XKR9: variants seen among roughly 807,000 people sequenced by gnomAD.
XKR9 encodes the protein XK-related protein 9.
Under a neutral mutation model 32.0 loss-of-function variants are expected in XKR9, and 32 were observed. The observed-to-expected ratio is 1.00, with a 90% CI of 0.76 to 1.34. The LOEUF (loss-of-function observed/expected upper bound fraction) is 1.34, where lower values mean the gene tolerates loss of function less well. Among genes scored for constraint, XKR9 ranks in the 40% most tolerant of loss-of-function variants. The probability of loss-of-function intolerance (pLI) is 0.00; values close to 1 mark genes in which losing one functional copy is unlikely to be tolerated. For synonymous variants in XKR9, 168 were observed against 143.4 expected (o/e 1.17, Z -1.22); for missense variants, 546 against 429.7 (o/e 1.27, Z -2.39).
the XKR9 span, among the ~76,000 whole-genome samples, chr8:71,038,964 C>T: frequency 2.6e-5 from 4 of 151,208 alleles, no homozygotes; most frequent in South Asian, 2.1e-4. Context: ...CCACCGTACC[C>T]GGCTAATTTT....
the XKR9 span, among the ~76,000 whole-genome samples, chr8:71,018,751 G>C: frequency 1.3e-5 from 2 of 152,212 alleles, no homozygotes; most frequent in South Asian, 2.1e-4. Flanking sequence ...GGTAAGAATA[G>C]GGAAAAAGAT....
chr8:70,714,183 CTTAT>C (rs1806013356), intron 4 of XKR9, among the ~76,000 whole-genome samples: 1 of 152,162 alleles, frequency 6.6e-6, no homozygotes, highest in Non-Finnish European at 1.5e-5. Context: ...CCATTATAAA[CTTAT>C]TTATTTAACT....
downstream of XKR9, among the ~76,000 whole-genome samples, chr8:70,792,547 G>A (rs1012810309): frequency 7.2e-5 from 11 of 152,202 alleles, no homozygotes; most frequent in South Asian, 2.3e-3. Flanking sequence ...GAACTATGGA[G>A]TGAAAAACAC....
downstream of XKR9, among the ~76,000 whole-genome samples, chr8:70,739,939 A>G (rs1270263659): frequency 3.8e-4 from 58 of 151,940 alleles, no homozygotes; most frequent in Non-Finnish European, 2.2e-4. Context: ...TCTGACAATT[A>G]TGTGTCTTGG....
chr8:70,842,009 A>G, the XKR9 span, among the ~76,000 whole-genome samples: 1 of 152,194 alleles, frequency 6.6e-6, no homozygotes, highest in Non-Finnish European at 1.5e-5. Flanking sequence ...AATTATTACT[A>G]TGATGGTTTC....
chr8:70,745,232 A>G (rs767887860), intron 2 of XKR9, among the ~76,000 whole-genome samples: 1 of 152,240 alleles, frequency 6.6e-6, no homozygotes, highest in Non-Finnish European at 1.5e-5. Context: ...CTTTTAATAT[A>G]GAATGAACTT....
intron 2 of XKR9, among the ~76,000 whole-genome samples, chr8:70,754,464 C>T (rs528719170): frequency 3.0e-5 from 4 of 134,436 alleles, no homozygotes; most frequent in Non-Finnish European, 6.7e-5. Flanking sequence ...CAAGTCAATC[C>T]TAAGCCAAAA....
At chr8:70,913,650 A>G in the XKR9 span, among the ~76,000 whole-genome samples, 4 of 152,152 alleles carry the variant, frequency 2.6e-5, no homozygotes, top group Non-Finnish European at 4.4e-5. Flanking sequence ...GCTAATCATA[A>G]ACATACAGCA....
chr8:71,060,131 A>ACAT, the XKR9 span, among the ~76,000 whole-genome samples: 56 of 152,318 alleles, frequency 3.7e-4, no homozygotes, highest in African/African-American at 1.3e-3. Context: ...CTCCATGACT[A>ACAT]GTTACATGTG....
chr8:70,844,659 G>T, the XKR9 span, among the ~76,000 whole-genome samples: 1 of 152,322 alleles, frequency 6.6e-6, no homozygotes, highest in African/African-American at 2.4e-5. Flanking sequence ...GGGTCTTGGG[G>T]ATTGCCCCAT....
At chr8:70,698,162 G>GT (rs1182582055) in intron 3 of XKR9, among the ~76,000 whole-genome samples, 7 of 151,198 alleles carry the variant, frequency 4.6e-5, no homozygotes, top group Admixed American at 1.3e-4. Context: ...TTTTTTGAAG[G>GT]TTTTTTTGTG....
chr8:70,898,420 A>T, the XKR9 span, among the ~76,000 whole-genome samples: 1 of 152,130 alleles, frequency 6.6e-6, no homozygotes, highest in Non-Finnish European at 1.5e-5. Flanking sequence ...GGTTCCATAT[A>T]CATTTTAGGA....
chr8:70,758,440 A>G (rs1307279846), intron 2 of XKR9, among the ~76,000 whole-genome samples: 1 of 152,202 alleles, frequency 6.6e-6, no homozygotes, highest in Non-Finnish European at 1.5e-5. Flanking sequence ...AGGTCAATGT[A>G]TAATATTTGT....
At chr8:70,792,681 G>A (rs1486947470), downstream of XKR9, among the ~76,000 whole-genome samples, 5 of 152,068 alleles carry the variant, frequency 3.3e-5, no homozygotes, top group African/African-American at 1.2e-4. Flanking sequence ...GTGAAGAAAT[G>A]ATAGAAGGTT....
At chr8:70,694,229 G>T (rs1390668482) in intron 3 of XKR9, among the ~76,000 whole-genome samples, 1 of 152,218 alleles carries the variant, frequency 6.6e-6, no homozygotes, top group Non-Finnish European at 1.5e-5. Flanking sequence ...CACCCAGTGA[G>T]CAGGAACAGG....
chr8:70,685,402 G>A (rs1270641028), intron 3 of XKR9, among the ~76,000 whole-genome samples: 2 of 144,612 alleles, frequency 1.4e-5, no homozygotes, highest in Middle Eastern at 3.3e-3. Context: ...GCTAAATGAC[G>A]AGTTAATGCA....
chr8:70,875,091 T>C, the XKR9 span, among the ~76,000 whole-genome samples: 1 of 152,190 alleles, frequency 6.6e-6, no homozygotes, highest in African/African-American at 2.4e-5. Flanking sequence ...ACATTTCTTT[T>C]ATTAATGTTA....
the XKR9 span, among the ~76,000 whole-genome samples, chr8:70,970,223 C>T: frequency 6.6e-6 from 1 of 152,150 alleles, no homozygotes; most frequent in Non-Finnish European, 1.5e-5. Context: ...AATATCTTTT[C>T]ATATGATGAC....
intron 2 of XKR9, among the ~76,000 whole-genome samples, chr8:70,777,659 T>C (rs924252497): frequency 1.3e-5 from 2 of 152,366 alleles, no homozygotes; most frequent in East Asian, 1.9e-4. Context: ...CTAACTGGCA[T>C]GAGATGGTAT....
Sources: allele counts gnomAD v4.1 joint callset (sites outside exome capture counted in the v4.1 genomes callset), GRCh38; gene constraint gnomAD v4.1.1; transcripts MANE v1.5; gene names NCBI Gene and HGNC (gene_info 2026-07-23, HGNC 2026-07-21).